Variants in SLC2A13 observed in about 807,000 individuals in gnomAD.
The protein encoded by SLC2A13 is solute carrier family 2 member 13.
Under a neutral mutation model 64.4 loss-of-function variants are expected in SLC2A13, and 32 were observed. That is an observed-to-expected ratio of 0.50 (90% CI 0.37 to 0.67). The LOEUF is 0.67. Ranked by LOEUF, SLC2A13 falls within the 30% of genes least tolerant of loss-of-function variation. SLC2A13 has a pLI of 0.00. For missense variants in SLC2A13, 743 were observed against 829.2 expected (o/e 0.90, Z 1.28); for synonymous variants, 338 against 327.1 (o/e 1.03, Z -0.36).
At chr12:40,052,753 G>A (rs1469933207) in intron 1 of SLC2A13, among the ~76,000 whole-genome samples, 1 of 152,004 alleles carries the variant, frequency 6.6e-6, no homozygotes, top group East Asian at 1.9e-4. Flanking sequence ...ACTAGGTGGA[G>A]CTCAAAGGAT....
chr12:39,944,949 T>C (rs1453501756), intron 4 of SLC2A13, among the ~76,000 whole-genome samples: 1 of 152,198 alleles, frequency 6.6e-6, no homozygotes, highest in Non-Finnish European at 1.5e-5. Context: ...TTTTGTTTTA[T>C]AGGTGCTGTG....
At chr12:40,064,929 C>G (rs1055765436) in intron 1 of SLC2A13, among the ~76,000 whole-genome samples, 8 of 152,030 alleles carry the variant, frequency 5.3e-5, no homozygotes, top group African/African-American at 1.7e-4. Flanking sequence ...CTGAATAATA[C>G]TGATTAAAAG....
intron 7 of SLC2A13, among the ~76,000 whole-genome samples, chr12:39,821,388 T>C (rs947176430): frequency 2.0e-5 from 3 of 151,572 alleles, no homozygotes; most frequent in Non-Finnish European, 2.9e-5. Flanking sequence ...CCAGCCTGGG[T>C]AACAGAGCAA....
At chr12:40,049,459 T>C (rs1381385418) in intron 1 of SLC2A13, among the ~76,000 whole-genome samples, 1 of 152,170 alleles carries the variant, frequency 6.6e-6, no homozygotes, top group African/African-American at 2.4e-5. Flanking sequence ...TTTATTACAT[T>C]CCATACAGCA....
chr12:39,956,288 A>G (rs1946312878), intron 3 of SLC2A13, among the ~76,000 whole-genome samples: 1 of 152,182 alleles, frequency 6.6e-6, no homozygotes, highest in Non-Finnish European at 1.5e-5. Context: ...AAGCAGATCA[A>G]TGGTTGCCTG....
At position 39,797,212 on chromosome 12, in the gene SLC2A13, C is replaced by T. The variant is rs145140448; in HGVS notation, c.1446-32354G>A. Among the ~76,000 whole-genome samples the T allele has an allele frequency of 1.3e-3, 199 of 152,278 alleles. 1 individual carries two copies. The highest frequency in any genetic ancestry group is 4.5e-3 in the African/African-American group (187 of 41,562). On this transcript the variant is annotated intron_variant, in intron 7 of 9. Transcript: ENST00000280871. Reference sequence around the variant, plus strand: ...ATGCAAGCCTGATTTAAAGTAAGCACGCCAACATACCTAAACCTTTCAGCT... The same window carrying T: ...ATGCAAGCCTGATTTAAAGTAAGCATGCCAACATACCTAAACCTTTCAGCT...
At chr12:40,080,505 C>T (rs575223993) in intron 1 of SLC2A13, among the ~76,000 whole-genome samples, 1 of 152,322 alleles carries the variant, frequency 6.6e-6, no homozygotes, top group South Asian at 2.1e-4. Flanking sequence ...ATTCTCCTGC[C>T]TTAGCCTCCT....
intron 4 of SLC2A13, among the ~76,000 whole-genome samples, chr12:39,936,335 A>G (rs1329833710): frequency 6.6e-6 from 1 of 152,178 alleles, no homozygotes; most frequent in Non-Finnish European, 1.5e-5. Context: ...CTCCAAAGTT[A>G]TGGTGGTAGA....
intron 1 of SLC2A13, among the ~76,000 whole-genome samples, chr12:40,093,116 C>T (rs1033066611): frequency 1.3e-5 from 2 of 152,076 alleles, no homozygotes; most frequent in African/African-American, 4.8e-5. Flanking sequence ...GTTTAGGTTC[C>T]CTAGATACAT....
At chr12:39,918,362 CTTT>C (rs5797644) in intron 4 of SLC2A13, among the ~76,000 whole-genome samples, 69 of 147,308 alleles carry the variant, frequency 4.7e-4, no homozygotes, top group Middle Eastern at 7.0e-3. Context: ...CAGAAGTTTC[CTTT>C]TTTTTTTTTT....
intron 3 of SLC2A13, among the ~76,000 whole-genome samples, chr12:40,012,468 C>CAAGGTG: frequency 6.6e-6 from 1 of 152,070 alleles, no homozygotes; most frequent in Admixed American, 6.5e-5. Context: ...GGAAGTGTTT[C>CAAGGTG]CAGAAAGATC....
chr12:39,767,938 C>A (rs1940421625), intron 7 of SLC2A13, among the ~76,000 whole-genome samples: 1 of 152,100 alleles, frequency 6.6e-6, no homozygotes, highest in African/African-American at 2.4e-5. Flanking sequence ...CCCTGCAGAA[C>A]TGTGAGTCAA....
At chr12:39,843,766 A>G (rs1013914025) in intron 6 of SLC2A13, among the ~76,000 whole-genome samples, 4 of 152,084 alleles carry the variant, frequency 2.6e-5, no homozygotes, top group Non-Finnish European at 5.9e-5. Context: ...AGATATAAGC[A>G]GAGTTGTTTG....
rs550613984 is a variant in SLC2A13, at chr12:39,800,333, C to T, written c.1445+29770G>A. On this transcript the variant is annotated intron_variant, in intron 7 of 9. Coordinates refer to ENST00000280871, the MANE Select transcript of SLC2A13 (RefSeq NM_052885.4). ...GGTATTTCCAAGGGGGGATTGAATT[C>T]GCAACCTACTCATCTGACAAAGGGC... Among the ~76,000 whole-genome samples, 20 of 152,112 alleles carry T rather than the reference C, an allele frequency of 1.3e-4. No individual in the cohort carries two copies. In the South Asian group the frequency reaches 2.7e-3, roughly 21 times the overall value.
intron 3 of SLC2A13, among the ~76,000 whole-genome samples, chr12:40,003,226 AAGG>A: frequency 6.6e-6 from 1 of 152,362 alleles, no homozygotes; most frequent in African/African-American, 2.4e-5. Context: ...ACCTATTGAG[AAGG>A]AGTTTATGAA....
intron 3 of SLC2A13, among the ~76,000 whole-genome samples, chr12:39,963,212 A>C (rs1166348993): frequency 2.0e-5 from 3 of 147,340 alleles, no homozygotes. Flanking sequence ...GCGTGAATCC[A>C]GGAGGTGGAG....
intron 2 of SLC2A13, among the ~76,000 whole-genome samples, chr12:40,047,369 G>A (rs777272875): frequency 2.0e-5 from 3 of 152,128 alleles, no homozygotes; most frequent in Non-Finnish European, 2.9e-5. Flanking sequence ...AACAAGATAG[G>A]CAATATTGTA....
At chr12:39,833,251 G>C (rs1432413565) in intron 6 of SLC2A13, among the ~76,000 whole-genome samples, 1 of 152,096 alleles carries the variant, frequency 6.6e-6, no homozygotes, top group Non-Finnish European at 1.5e-5. Context: ...GATATGGCCT[G>C]CAAAGCTGAA....
intron 3 of SLC2A13, among the ~76,000 whole-genome samples, chr12:39,972,515 T>C (rs1272717736): frequency 6.6e-6 from 1 of 152,148 alleles, no homozygotes; most frequent in African/African-American, 2.4e-5. Context: ...CCATCCAAAA[T>C]GTGAAAAGAT....
Sources: gnomAD v4.1 joint callset for allele counts (sites outside exome capture counted in the v4.1 genomes callset) on GRCh38, gnomAD v4.1.1 for gene constraint, MANE v1.5 for transcripts, NCBI Gene and HGNC (gene_info 2026-07-23, HGNC 2026-07-21) for gene names.